ADGRV1: variants seen among roughly 807,000 people sequenced by gnomAD.
ADGRV1 encodes G-protein coupled receptor 98.
In ADGRV1, 359 loss-of-function variants were observed where a neutral mutation model predicts 596.2. The observed-to-expected ratio is 0.60, with a 90% CI of 0.55 to 0.66. The LOEUF is 0.66. ADGRV1 is among the 30% of genes least tolerant of loss of function. The pLI, the probability that ADGRV1 is intolerant of heterozygous loss-of-function variation, is 0.00. For missense variants in ADGRV1, 7,274 were observed against 7,575.6 expected (o/e 0.96, Z 1.48); for synonymous variants, 2,681 against 2,679.2 (o/e 1.00, Z -0.02).
At chr5:90,648,678 G>A (rs1304456985) in intron 17 of ADGRV1, among the ~76,000 whole-genome samples, 1 of 152,090 alleles carries the variant, frequency 6.6e-6, no homozygotes, top group Non-Finnish European at 1.5e-5. Context: ...TTTCTTCATT[G>A]CTGTCTCTGT....
chr5:90,850,890 T>C (rs1240342686), intron 79 of ADGRV1: 1 of 152,166 alleles, frequency 6.6e-6, no homozygotes, highest in African/African-American at 2.4e-5. Context: ...TGTGGTGGAT[T>C]TTCAATGGTT....
intron 84 of ADGRV1, among the ~76,000 whole-genome samples, chr5:90,972,211 A>G (rs2150995762): frequency 6.6e-6 from 1 of 152,348 alleles, no homozygotes; most frequent in Non-Finnish European, 1.5e-5. Flanking sequence ...GCAAGTCCTT[A>G]GAGACCTACA....
chr5:91,133,430 T>TG (rs1263251786), intron 87 of ADGRV1, among the ~76,000 whole-genome samples: 3 of 152,216 alleles, frequency 2.0e-5, no homozygotes, highest in Admixed American at 2.0e-4. Context: ...GGTCCCACCC[T>TG]GGACTTTGCC....
chr5:90,868,516 C>T (rs944720037), intron 83 of ADGRV1, among the ~76,000 whole-genome samples: 4 of 151,986 alleles, frequency 2.6e-5, no homozygotes, highest in Non-Finnish European at 5.9e-5. Flanking sequence ...TAAAACTTCT[C>T]AGTGTTGTTT....
chr5:91,028,627 C>G (rs10064249), intron 85 of ADGRV1, among the ~76,000 whole-genome samples: 27 of 151,884 alleles, frequency 1.8e-4, no homozygotes, highest in South Asian at 4.2e-4. Context: ...TTTAAGACAT[C>G]TCTACCATCA....
intron 85 of ADGRV1, among the ~76,000 whole-genome samples, chr5:90,999,375 T>A (rs1032124443): frequency 7.2e-5 from 11 of 152,130 alleles, no homozygotes; most frequent in Admixed American, 4.6e-4. Context: ...TAACTTTAAC[T>A]CAGGGTTAAA....
intron 86 of ADGRV1, among the ~76,000 whole-genome samples, chr5:91,084,917 A>G (rs1396977170): frequency 6.6e-6 from 1 of 152,228 alleles, no homozygotes. Flanking sequence ...GGATGAGTTC[A>G]TGTCCTTTGT....
chr5:91,130,480 C>A (rs1275079109), intron 87 of ADGRV1, among the ~76,000 whole-genome samples: 1 of 143,610 alleles, frequency 7.0e-6, no homozygotes, highest in East Asian at 2.0e-4. Context: ...CGAGATTGTG[C>A]CATTGCACTC....
At chr5:90,998,893 T>C (rs1389650146) in intron 85 of ADGRV1, among the ~76,000 whole-genome samples, 3 of 152,148 alleles carry the variant, frequency 2.0e-5, no homozygotes, top group Non-Finnish European at 4.4e-5. Flanking sequence ...TAGTTATGTT[T>C]TAATAGCTTC....
intron 1 of ADGRV1, among the ~76,000 whole-genome samples, chr5:90,590,922 A>T (rs1344196510): frequency 6.6e-6 from 1 of 152,186 alleles, no homozygotes; most frequent in Non-Finnish European, 1.5e-5. Context: ...ACCCTTGAAC[A>T]CTTCCCAGTG....
At position 90,692,704 on chromosome 5, in the gene ADGRV1, A is replaced by T. The variant is rs755394390; in HGVS notation, c.7051A>T (p.Thr2351Ser). ...IIPANDDPYGTVAFAQMVYRV... is the reference protein window; with the variant it reads ...IIPANDDPYGSVAFAQMVYRV... The stretch of plus-strand genomic sequence containing the variant: ...TCCTGCCAATGATGATCCTTATGGT[A>T]CAGTAGCCTTTGCTCAGATGGTTTA... The change falls in exon 32 of 90, where the codon ACA becomes TCA. Residue 2351 changes from threonine (T) to serine (S), a missense_variant. Thr to Ser is a moderately conservative substitution (Grantham distance 58). Around this residue, in one of 5 missense-constraint regions of ADGRV1, gnomAD observed 3,643 missense variants for 3,809.2 expected, o/e 0.96. Coordinates refer to ENST00000405460, the MANE Select transcript of ADGRV1 (RefSeq NM_032119.4). 1.1e-5 allele frequency: 17 copies of T among 1,610,662 alleles called. No individual in the cohort carries two copies. Among genetic ancestry groups the T allele is most frequent in the Non-Finnish European group, 1.4e-5 (16 of 1,178,502 alleles).
rs369937781 is a variant in ADGRV1 at position 90,721,531 on chromosome 5, A to AAAAAT, written c.9748+529_9748+533dup. On this transcript the variant is annotated intron_variant, in intron 45 of 89. Transcript: ENST00000405460. ...AAATAAAATAAAATAAAATAAAAAT[A>AAAAAT]AAAATAAAATAAAATAAAATAAAAT... is the stretch of plus-strand genomic sequence containing the variant. 2.5e-3 allele frequency among the ~76,000 whole-genome samples: 210 copies of AAAAAT among 82,626 alleles called. 5 individuals are homozygous for AAAAAT. The highest frequency in any genetic ancestry group is 5.6e-3 in the Middle Eastern group (1 of 180). The allele number at this position is 82,626 out of a possible 152,430, so 54.2% of individuals were successfully genotyped here.
intron 76 of ADGRV1, among the ~76,000 whole-genome samples, chr5:90,827,494 A>T (rs1384707095): frequency 6.6e-6 from 1 of 152,204 alleles, no homozygotes; most frequent in African/African-American, 2.4e-5. Flanking sequence ...TGTTCTAATC[A>T]TCGTCACAAT....
At chr5:90,924,002 T>A (rs1774157630) in intron 83 of ADGRV1, among the ~76,000 whole-genome samples, 1 of 151,822 alleles carries the variant, frequency 6.6e-6, no homozygotes, top group African/African-American at 2.4e-5. Context: ...GGTGTATATG[T>A]GCCACATTTT....
At chr5:91,130,117 C>T (rs778537956) in intron 87 of ADGRV1, among the ~76,000 whole-genome samples, 19 of 151,434 alleles carry the variant, frequency 1.3e-4, no homozygotes, top group Non-Finnish European at 2.5e-4. Flanking sequence ...GAAAAAAATG[C>T]TCTGTAAAAT....
intron 48 of ADGRV1, among the ~76,000 whole-genome samples, chr5:90,727,989 A>G (rs1434218823): frequency 2.0e-5 from 3 of 152,204 alleles, no homozygotes; most frequent in Non-Finnish European, 2.9e-5. Flanking sequence ...TGACTTAATT[A>G]TTGATATGTT....
intron 83 of ADGRV1, among the ~76,000 whole-genome samples, chr5:90,921,322 CTTAT>C (rs1773855401): frequency 6.6e-6 from 1 of 151,714 alleles, no homozygotes; most frequent in Non-Finnish European, 1.5e-5. Flanking sequence ...GACAGTCTTC[CTTAT>C]TTATTTATTT....
intron 87 of ADGRV1, among the ~76,000 whole-genome samples, chr5:91,128,010 C>T (rs1270735532): frequency 1.1e-4 from 16 of 151,994 alleles, no homozygotes; most frequent in Non-Finnish European, 2.4e-4. Flanking sequence ...AATCAACAGC[C>T]TTGTCCTCAA....
At chr5:91,047,539 C>T (rs1420247541) in intron 85 of ADGRV1, among the ~76,000 whole-genome samples, 2 of 152,134 alleles carry the variant, frequency 1.3e-5, no homozygotes, top group Non-Finnish European at 1.5e-5. Flanking sequence ...TGTTCTTCTG[C>T]CTGCTTTTAT....
Sources: allele counts gnomAD v4.1 joint callset (sites outside exome capture counted in the v4.1 genomes callset), GRCh38; gene constraint gnomAD v4.1.1; regional missense constraint gnomAD v4.1.1; transcripts MANE v1.5; gene names NCBI Gene and HGNC (gene_info 2026-07-23, HGNC 2026-07-21).